The following CTNNA1 variants were observed in gnomAD, a reference collection of about 807,000 sequenced individuals.
The protein encoded by CTNNA1 is catenin alpha 1.
Under a neutral mutation model 98.4 loss-of-function variants are expected in CTNNA1, and 37 were observed. That is an observed-to-expected ratio of 0.38 (90% CI 0.29 to 0.49). The LOEUF (loss-of-function observed/expected upper bound fraction) is 0.49. CTNNA1 is among the 20% of genes least tolerant of loss of function. The pLI is 0.95. For missense variants in CTNNA1, 761 were observed against 1,147.2 expected (o/e 0.66, Z 4.86); for synonymous variants, 404 against 413.2 (o/e 0.98, Z 0.27).
At chr5:138,848,731 A>G (rs923826639) in intron 7 of CTNNA1, among the ~76,000 whole-genome samples, 1 of 152,040 alleles carries the variant, frequency 6.6e-6, no homozygotes, top group Non-Finnish European at 1.5e-5. Context: ...TGGGCCTGGC[A>G]TACTTTTTTT....
chr5:138,910,226 CTTTTTTTTTTTTTTTTT>C (rs70982740), intron 10 of CTNNA1, among the ~76,000 whole-genome samples: 15 of 53,228 alleles, frequency 2.8e-4, no homozygotes, highest in Admixed American at 8.8e-4. Flanking sequence ...TCCTACTTTT[CTTTTTTTTTTTTTTTTT>C]TTTTTTTTTT....
At chr5:138,789,715 T>G (rs1756143982) in intron 3 of CTNNA1, among the ~76,000 whole-genome samples, 1 of 152,092 alleles carries the variant, frequency 6.6e-6, no homozygotes, top group Non-Finnish European at 1.5e-5. Context: ...CTCGGCCTCC[T>G]AAAGTGTTAG....
chr5:138,837,523 C>T (rs1209418518), intron 7 of CTNNA1, among the ~76,000 whole-genome samples: 1 of 116,040 alleles, frequency 8.6e-6, no homozygotes, highest in African/African-American at 3.2e-5. Flanking sequence ...TCCCTCCCCT[C>T]CCTCTCCTCC....
At chr5:138,886,390 G>C in intron 8 of CTNNA1, 98 bp downstream of exon 8, 1 of 1,266,422 alleles carries the variant, frequency 7.9e-7, no homozygotes, top group Non-Finnish European at 1.1e-6. Context: ...TTTTTATTGA[G>C]AGAAAGGATG....
At chr5:138,783,142 T>G (rs1755316003) in intron 2 of CTNNA1, 35 bp from the exon 3 acceptor site, 1 of 1,488,358 alleles carries the variant, frequency 6.7e-7, no homozygotes, top group African/African-American at 1.4e-5. Flanking sequence ...TCATTTTAAT[T>G]GACTCCAGTT....
chr5:138,851,743 G>T (rs1415569889), intron 7 of CTNNA1, among the ~76,000 whole-genome samples: 4 of 151,700 alleles, frequency 2.6e-5, no homozygotes, highest in Non-Finnish European at 5.9e-5. Context: ...TGGGCACAGA[G>T]TATGACTTCG....
intron 1 of CTNNA1, among the ~76,000 whole-genome samples, chr5:138,773,234 A>T (rs1432782051): frequency 6.6e-6 from 1 of 152,254 alleles, no homozygotes; most frequent in Non-Finnish European, 1.5e-5. Context: ...TAATAATGGC[A>T]TAAATAAGTA....
intron 3 of CTNNA1, among the ~76,000 whole-genome samples, chr5:138,804,681 T>C (rs916470460): frequency 3.3e-5 from 5 of 152,274 alleles, no homozygotes; most frequent in African/African-American, 1.2e-4. Context: ...ATGTCTGTTT[T>C]TCAGTTGGTA....
intron 1 of CTNNA1, among the ~76,000 whole-genome samples, chr5:138,759,588 C>T (rs1381715265): frequency 6.6e-6 from 1 of 152,188 alleles, no homozygotes; most frequent in Non-Finnish European, 1.5e-5. Context: ...GCAATAATGG[C>T]TATCCTTCTC....
chr5:138,806,386 C>T (rs1400991739), intron 3 of CTNNA1, among the ~76,000 whole-genome samples: 1 of 151,730 alleles, frequency 6.6e-6, no homozygotes, highest in Non-Finnish European at 1.5e-5. Context: ...TTTCCCAACT[C>T]ATGTGTTTTC....
At position 138,873,297 on chromosome 5, in the gene CTNNA1, G is replaced by A. The variant is rs1316834687; in HGVS notation, c.1063-12915G>A. 2 of 1,614,014 alleles carry A rather than the reference G, an allele frequency of 1.2e-6. No individual in the cohort carries two copies. The highest frequency in any genetic ancestry group is 1.7e-6 in the Non-Finnish European group (2 of 1,179,888). ...AAAGCCATTGTTCCCGTAATTACCC[G>A]CTGAGTGAAGATGGCATTGTCTGGT... On this transcript the variant is annotated intron_variant, in intron 7 of 17. Coordinates refer to ENST00000302763, the MANE Select transcript of CTNNA1 (RefSeq NM_001903.5). The surrounding 1 kb of genome is among the most constrained non-coding windows in gnomAD (Gnocchi z 6.1).
chr5:138,874,403 T>A lies in CTNNA1; in HGVS notation c.1063-11809T>A. ...CTTGTCTGTGGCGTTTGGCACTGAG[T>A]GGAAGCCCTGAGAGTCGCAGTAGAA... On this transcript the variant is annotated intron_variant, in intron 7 of 17. Transcript: ENST00000302763. The surrounding 1 kb of genome is among the most constrained non-coding windows in gnomAD (Gnocchi z 4.1). The A allele has an allele frequency of 6.2e-7, 1 of 1,613,866 alleles. No individual in the cohort carries two copies. The highest frequency in any genetic ancestry group is 1.1e-5 in the South Asian group (1 of 91,074).
chr5:138,910,701 A>G (rs1426660176), intron 10 of CTNNA1, among the ~76,000 whole-genome samples: 1 of 152,148 alleles, frequency 6.6e-6, no homozygotes, highest in African/African-American at 2.4e-5. Flanking sequence ...TGAGAAAGTG[A>G]TGTATAAACA....
chr5:138,925,570 G>A, intron 13 of CTNNA1, 163 bp downstream of exon 13: 1 of 1,133,024 alleles, frequency 8.8e-7, no homozygotes. Flanking sequence ...TGTCTAAAAT[G>A]ACTGTTAGTT....
At chr5:138,883,789 G>A (rs1753455689) in intron 7 of CTNNA1, among the ~76,000 whole-genome samples, 1 of 152,178 alleles carries the variant, frequency 6.6e-6, no homozygotes. Context: ...CTTGACGTGA[G>A]TGCTTGAGTA....
At chr5:138,858,381 C>T (rs1161840545) in intron 7 of CTNNA1, among the ~76,000 whole-genome samples, 2 of 152,070 alleles carry the variant, frequency 1.3e-5, no homozygotes, top group Admixed American at 1.3e-4. Flanking sequence ...CCCACCTTGG[C>T]TTCCCAAAGT....
At chr5:138,931,617 C>T (rs1417511620) in intron 16 of CTNNA1, 1 of 985,310 alleles carries the variant, frequency 1.0e-6, no homozygotes, top group Non-Finnish European at 1.2e-6. Context: ...TGTATCTTGA[C>T]ACAAACCAGT....
At chr5:138,932,418 A>C in intron 16 of CTNNA1, 160 bp from the exon 17 acceptor site, 1 of 1,442,252 alleles carries the variant, frequency 6.9e-7, no homozygotes, top group African/African-American at 1.4e-5. Context: ...AGCAGAGTGT[A>C]GGCAAGGGCT....
At chr5:138,802,484 TGGGGGG>T (rs1757681494) in intron 3 of CTNNA1, among the ~76,000 whole-genome samples, 1 of 152,088 alleles carries the variant, frequency 6.6e-6, no homozygotes, top group Non-Finnish European at 1.5e-5. Flanking sequence ...GACAAAATTT[TGGGGGG>T]TCTTATTTTT....
Sources: allele counts gnomAD v4.1 joint callset (sites outside exome capture counted in the v4.1 genomes callset), GRCh38; gene constraint gnomAD v4.1.1; non-coding constraint Gnocchi (gnomAD v3.1); transcripts MANE v1.5; gene names NCBI Gene and HGNC (gene_info 2026-07-23, HGNC 2026-07-21).